DUOX1: variants seen among roughly 807,000 people sequenced by gnomAD.
DUOX1 encodes the protein dual oxidase 1.
DUOX1 carries 134 observed loss-of-function variants against 181.8 expected under a neutral mutation model. The ratio of observed to expected loss-of-function variants is 0.74; its 90% CI spans 0.64 to 0.85. The LOEUF (loss-of-function observed/expected upper bound fraction) is 0.85. DUOX1 is among the 40% of genes least tolerant of loss of function. The pLI is 0.00. For missense variants in DUOX1, 1,814 were observed against 2,064.4 expected (o/e 0.88, Z 2.35); for synonymous variants, 798 against 832.5 (o/e 0.96, Z 0.71).
At chr15:45,154,045 G>A in intron 27 of DUOX1, 45 bp downstream of exon 27, 2 of 1,592,652 alleles carry the variant, frequency 1.3e-6, no homozygotes, top group Non-Finnish European at 1.7e-6. Flanking sequence ...CTGACTGTGA[G>A]TTCAAGGCTC....
chr15:45,137,160 C>T (rs9672179), intron 9 of DUOX1, among the ~76,000 whole-genome samples: 43 of 141,846 alleles, frequency 3.0e-4, no homozygotes, highest in African/African-American at 1.1e-3. Flanking sequence ...CCAGCCTGAC[C>T]AACATGCAGA....
intron 21 of DUOX1, chr15:45,150,417 A>G (rs1406387913): frequency 1.8e-6 from 1 of 566,802 alleles, no homozygotes; most frequent in African/African-American, 1.9e-5. Context: ...TGCCTGGCCA[A>G]CTTTCTTTCA....
chr15:45,148,936 C>T (rs1188938914), intron 21 of DUOX1, among the ~76,000 whole-genome samples: 2 of 151,680 alleles, frequency 1.3e-5, no homozygotes, highest in African/African-American at 2.4e-5. Context: ...TTTTTTTTGC[C>T]ACTATATCTC....
chr15:45,150,828 C>T lies in DUOX1; in HGVS notation c.2888+127C>T, dbSNP rs551543696. On this transcript the variant is annotated intron_variant, in intron 22 of 33. Coordinates refer to ENST00000389037, the MANE Select transcript of DUOX1 (RefSeq NM_175940.3). The stretch of plus-strand genomic sequence containing the variant: ...TTCAAACAAATTAGAAAAGGACACC[C>T]CTTTCTCTAGGCAGACACAGCCCTG... The T allele has an allele frequency of 2.2e-3, 2,064 of 925,002 alleles. 55 individuals are homozygous for T. In the South Asian group the frequency reaches 0.029, roughly 13 times the overall value. The allele number at this position is 925,002 out of a possible 1,614,324, so 57.3% of individuals were successfully genotyped here. A position where few individuals can be genotyped will look rare whatever the true frequency, so the allele number is the denominator to read the frequency against.
chr15:45,160,896 G>T lies in DUOX1; in HGVS notation c.3762G>T (p.Leu1254=). 1 of 1,613,774 alleles carries T rather than the reference G, an allele frequency of 6.2e-7. No homozygotes were observed. ...TGCCCCGTTTCCACATCTTCTTCCTGGTCCCAGCAATCATCTATGGGGGCG... is the reference window on the plus strand; with the variant it reads ...TGCCCCGTTTCCACATCTTCTTCCTTGTCCCAGCAATCATCTATGGGGGCG... The part of the protein sequence containing the change: ...IQLPRFHIFF[L]VPAIIYGGDK... The change falls in exon 29 of 34, where the codon CTG becomes CTT. Residue 1254 remains leucine, a synonymous_variant. Coordinates refer to ENST00000389037, the MANE Select transcript of DUOX1 (RefSeq NM_175940.3).
Position 45,138,002 on chromosome 15 carries a change from C to T in DUOX1, c.1101C>T (p.Tyr367=). The T allele has an allele frequency of 6.2e-7, 1 of 1,608,580 alleles. No individual in the cohort carries two copies. Among genetic ancestry groups the T allele is most frequent in the Non-Finnish European group, 8.5e-7 (1 of 1,176,826 alleles). ...GAGCTCTCCGGGTCTGCAACAGCTA[C>T]TGGAGCCGTGAGGTCCGAGCTGGGG... The part of the protein sequence containing the change: ...VSRALRVCNS[Y]WSREHPSLQS... The change falls in exon 10 of 34, where the codon TAC becomes TAT. Residue 367 remains tyrosine, a synonymous_variant. Coordinates refer to ENST00000389037, the MANE Select transcript of DUOX1 (RefSeq NM_175940.3).
chr15:45,143,927 C>T, intron 16 of DUOX1, 109 bp from the exon 17 acceptor site: 1 of 1,044,092 alleles, frequency 9.6e-7, no homozygotes, highest in South Asian at 1.4e-5. Context: ...CAGAAGGGGA[C>T]AATGAACTGT....
chr15:45,140,859 G>A (rs751274492), intron 12 of DUOX1, 36 bp from the exon 13 acceptor site: 1 of 1,607,882 alleles, frequency 6.2e-7, no homozygotes, highest in Non-Finnish European at 8.5e-7. Context: ...TGGGTGCCGT[G>A]TCCTTTCTCT....
At chr15:45,153,327 G>T in intron 25 of DUOX1, 53 bp from the exon 26 acceptor site, 3 of 1,481,000 alleles carry the variant, frequency 2.0e-6, no homozygotes, top group Non-Finnish European at 1.9e-6. Flanking sequence ...CTGAATGAGT[G>T]AGCACCCACC....
Position 45,135,530 on chromosome 15 carries a change from C to G in DUOX1, c.552C>G (p.Ser184=), listed in dbSNP as rs1287186106. 5.1e-6 allele frequency: 8 copies of G among 1,559,926 alleles called. No homozygotes were observed. The South Asian group carries it at 8.3e-5, about 16-fold the overall frequency. The change falls in exon 6 of 34, where the codon TCC becomes TCG. Residue 184 remains serine (S), a synonymous_variant. Transcript: ENST00000389037. ...GCGCCATCTATGGTTCCTCGCATTC[C>G]TGGAGCGACGCGCTGCGGAGCTTCT... ...DGSAIYGSSH[S]WSDALRSFSR... is the part of the protein sequence containing the mutation.
intron 24 of DUOX1, 24 bp downstream of exon 24, chr15:45,152,076 G>C: frequency 6.2e-7 from 1 of 1,610,002 alleles, no homozygotes; most frequent in Non-Finnish European, 8.5e-7. Context: ...CTTACCACGA[G>C]CCCTGTCCCT....
rs1448004988 is a variant in DUOX1 at position 45,151,860 on chromosome 15, T to A, written c.3015-14T>A. The A allele has an allele frequency of 6.2e-7, 1 of 1,605,768 alleles. No homozygotes were observed. Among genetic ancestry groups the A allele is most frequent in the Non-Finnish European group, 8.5e-7 (1 of 1,174,998 alleles). On this transcript the variant is annotated splice_polypyrimidine_tract_variant and intron_variant, in intron 23 of 33. Transcript: ENST00000389037. Reference sequence around the variant, plus strand: ...CATGGTGGGTGCCAAAGGCTAAGGCTTCCTGTCTCCCAGGGTAACGTCATT... The same window carrying A: ...CATGGTGGGTGCCAAAGGCTAAGGCATCCTGTCTCCCAGGGTAACGTCATT...
intron 21 of DUOX1, 161 bp from the exon 22 acceptor site, chr15:45,150,471 G>C: frequency 1.5e-6 from 1 of 649,724 alleles, no homozygotes; most frequent in Non-Finnish European, 2.7e-6. Context: ...GCTCCCATTG[G>C]GGACAAGGGC....
intron 28 of DUOX1, among the ~76,000 whole-genome samples, chr15:45,160,151 C>T (rs1205737878): frequency 1.3e-5 from 2 of 152,018 alleles, no homozygotes; most frequent in African/African-American, 2.4e-5. Context: ...GACTCTGTCC[C>T]CCCAACCCCC....
chr15:45,135,363 G>A, intron 5 of DUOX1, 72 bp downstream of exon 5: 1 of 1,503,464 alleles, frequency 6.7e-7, no homozygotes, highest in Non-Finnish European at 8.8e-7. Flanking sequence ...GCCTGGCAGG[G>A]CCTGGAGGGG....
chr15:45,157,995 G>C (rs1258510798), intron 28 of DUOX1, among the ~76,000 whole-genome samples: 3 of 151,984 alleles, frequency 2.0e-5, no homozygotes. Context: ...TAAATTACAA[G>C]TAAAGGACCC....
chr15:45,145,280 C>A (rs1696099485), intron 18 of DUOX1, among the ~76,000 whole-genome samples, 200 bp downstream of exon 18: 1 of 152,236 alleles, frequency 6.6e-6, no homozygotes, highest in Admixed American at 6.5e-5. Context: ...AACTACGAGG[C>A]TCCAGTGGGG....
At chr15:45,147,840 T>C (rs1896694482) in intron 19 of DUOX1, 64 bp from the exon 20 acceptor site, 2 of 1,541,712 alleles carry the variant, frequency 1.3e-6, no homozygotes, top group East Asian at 2.2e-5. Flanking sequence ...AGGCCCCTTT[T>C]GGCCAGCCTG....
At chr15:45,146,467 A>G (rs1050152815) in intron 18 of DUOX1, among the ~76,000 whole-genome samples, 2 of 152,164 alleles carry the variant, frequency 1.3e-5, no homozygotes, top group Non-Finnish European at 2.9e-5. Flanking sequence ...TGAGACACGA[A>G]GGGTGCTGAT....
Sources: allele counts gnomAD v4.1 joint callset (sites outside exome capture counted in the v4.1 genomes callset), GRCh38; gene constraint gnomAD v4.1.1; transcripts MANE v1.5; gene names NCBI Gene and HGNC (gene_info 2026-07-23, HGNC 2026-07-21).